ARHGAP29: variants seen among roughly 807,000 people sequenced by gnomAD.
ARHGAP29 encodes Rho GTPase activating protein 29.
A neutral mutation model predicts 122.6 loss-of-function variants in ARHGAP29; 43 were observed. The ratio of observed to expected loss-of-function variants is 0.35; its 90% CI spans 0.27 to 0.45. The LOEUF (loss-of-function observed/expected upper bound fraction) is 0.45, where lower values mean the gene tolerates loss of function less well. Ranked by LOEUF, ARHGAP29 falls within the 20% of genes least tolerant of loss-of-function variation. The pLI, the probability that ARHGAP29 is intolerant of heterozygous loss-of-function variation, is 1.00. For missense variants in ARHGAP29, 1,303 were observed against 1,477.2 expected, an observed-to-expected ratio of 0.88 and a Z score of 1.93; for synonymous variants, 506 against 497.1, an observed-to-expected ratio of 1.02 and a Z score of -0.24.
At chr1:94,226,453 C>T (rs138150617) in intron 2 of ARHGAP29, among the ~76,000 whole-genome samples, 5 of 152,010 alleles carry the variant, frequency 3.3e-5, no homozygotes, top group Non-Finnish European at 5.9e-5. Context: ...CCCAGGGCTA[C>T]AAACAACTAG....
intron 1 of ARHGAP29, among the ~76,000 whole-genome samples, chr1:94,232,655 G>T (rs1382756102): frequency 2.6e-5 from 4 of 152,094 alleles, no homozygotes; most frequent in Non-Finnish European, 5.9e-5. Flanking sequence ...AAAATTAGAA[G>T]ACTTCATATG....
chr1:94,235,799 C>G (rs1382933354), intron 1 of ARHGAP29, among the ~76,000 whole-genome samples: 14 of 152,184 alleles, frequency 9.2e-5, no homozygotes, highest in Admixed American at 9.2e-4. Context: ...TGTTGTAAAT[C>G]TAAGTGTTGT....
chr1:94,237,454 CCCA>C lies in ARHGAP29; in HGVS notation c.-75_-73del, dbSNP rs1353675892. On this transcript the variant is annotated 5_prime_UTR_variant, in exon 1 of 23. Transcript: ENST00000260526. ...TCGCGTGCCGGACGCGGACGCCCGC[CCCA>C]CACCTACGGCCGCCGCCACCGCCGA... The C allele has an allele frequency of 1.5e-5, 15 of 987,382 alleles. No individual in the cohort carries two copies. The highest frequency in any genetic ancestry group is 1.7e-5 in the Non-Finnish European group (14 of 831,132). 61.2% of individuals were successfully genotyped at this position (987,382 alleles called of 1,614,324 possible). A position where few individuals can be genotyped will look rare whatever the true frequency, so the allele number is the denominator to read the frequency against.
At chr1:94,178,238 A>T in intron 20 of ARHGAP29, 71 bp from the exon 21 acceptor site, 1 of 1,436,920 alleles carries the variant, frequency 7.0e-7, no homozygotes, top group African/African-American at 1.4e-5. Flanking sequence ...TTTACTATGG[A>T]ATAGAGAGGG....
the ARHGAP29 span, among the ~76,000 whole-genome samples, chr1:94,288,026 G>A: frequency 6.6e-6 from 1 of 152,162 alleles, no homozygotes; most frequent in Non-Finnish European, 1.5e-5. Flanking sequence ...CCAGTAATGG[G>A]ATTGCTGGGT....
intron 1 of ARHGAP29, among the ~76,000 whole-genome samples, chr1:94,267,398 A>G (rs773718670): frequency 6.6e-6 from 1 of 152,204 alleles, no homozygotes; most frequent in Non-Finnish European, 1.5e-5. Flanking sequence ...GGGATCAGGT[A>G]AAAGTGTAAT....
chr1:94,293,625 C>T, the ARHGAP29 span, among the ~76,000 whole-genome samples: 1 of 152,184 alleles, frequency 6.6e-6, no homozygotes, highest in Non-Finnish European at 1.5e-5. Flanking sequence ...AGTGACCCAC[C>T]TCTTTTCTTT....
At chr1:94,292,855 G>A in the ARHGAP29 span, among the ~76,000 whole-genome samples, 1 of 152,190 alleles carries the variant, frequency 6.6e-6, no homozygotes, top group Admixed American at 6.5e-5. Context: ...GCATCTGCCT[G>A]TATGAGGTGT....
chr1:94,201,174 G>C (rs940171910), intron 12 of ARHGAP29, among the ~76,000 whole-genome samples: 2 of 152,112 alleles, frequency 1.3e-5, no homozygotes, highest in African/African-American at 2.4e-5. Flanking sequence ...AGTTTCAAGG[G>C]TCAAATCAAT....
chr1:94,282,881 G>A, the ARHGAP29 span, among the ~76,000 whole-genome samples: 1 of 152,172 alleles, frequency 6.6e-6, no homozygotes, highest in African/African-American at 2.4e-5. Flanking sequence ...AAGGACTTTA[G>A]ATCTGAGTGA....
intron 1 of ARHGAP29, among the ~76,000 whole-genome samples, chr1:94,237,126 CTT>C (rs1557881480): frequency 6.6e-6 from 1 of 152,224 alleles, no homozygotes; most frequent in East Asian, 1.9e-4. Context: ...TGTGTGCTAA[CTT>C]TAATTACGAT....
At chr1:94,229,039 A>G (rs1361773378) in intron 2 of ARHGAP29, among the ~76,000 whole-genome samples, 2 of 151,836 alleles carry the variant, frequency 1.3e-5, no homozygotes, top group Non-Finnish European at 3.0e-5. Flanking sequence ...TCTTAAGGAG[A>G]CAATACACAA....
the ARHGAP29 span, among the ~76,000 whole-genome samples, chr1:94,280,931 C>A: frequency 6.6e-6 from 1 of 152,168 alleles, no homozygotes; most frequent in Non-Finnish European, 1.5e-5. Context: ...AGACTGACAT[C>A]CTCCCTTCCA....
chr1:94,243,089 C>A (rs1653661728), intron 1 of ARHGAP29, among the ~76,000 whole-genome samples: 1 of 151,956 alleles, frequency 6.6e-6, no homozygotes, highest in South Asian at 2.1e-4. Context: ...GACAAATCCC[C>A]AATGACAGTT....
intron 20 of ARHGAP29, among the ~76,000 whole-genome samples, chr1:94,179,149 C>A (rs554603634): frequency 6.6e-6 from 1 of 152,280 alleles, no homozygotes; most frequent in East Asian, 1.9e-4. Context: ...GTTTAGCCAG[C>A]CAGAGCCTGG....
At position 94,170,949 on chromosome 1, in the gene ARHGAP29, T is replaced by C. The variant is rs1420253261; in HGVS notation, c.*2920A>G. 4.6e-5 allele frequency among the ~76,000 whole-genome samples: 7 copies of C among 152,206 alleles called. No homozygotes were observed. Among genetic ancestry groups the C allele is most frequent in the Admixed American group, 3.9e-4 (6 of 15,278 alleles). On this transcript the variant is annotated 3_prime_UTR_variant, in exon 23 of 23. Coordinates refer to ENST00000260526, the MANE Select transcript of ARHGAP29 (RefSeq NM_004815.4). ...CTAGGAATACAACTGACTTACATAC[T>C]GATTGTGAATGTAGCAAATTTGCTA...
At chr1:94,200,942 C>T (rs1650801930) in intron 12 of ARHGAP29, among the ~76,000 whole-genome samples, 3 of 152,130 alleles carry the variant, frequency 2.0e-5, no homozygotes, top group Admixed American at 2.0e-4. Context: ...TAGCATTGTT[C>T]TGAATCCTGA....
intron 17 of ARHGAP29, 125 bp downstream of exon 17, chr1:94,185,214 TAGA>T (rs1309224649): frequency 6.6e-6 from 8 of 1,214,498 alleles, no homozygotes; most frequent in Non-Finnish European, 6.7e-6. Flanking sequence ...TATAAAATTA[TAGA>T]AGGTGTACTG....
chr1:94,310,329 C>T, the ARHGAP29 span, among the ~76,000 whole-genome samples: 9 of 152,330 alleles, frequency 5.9e-5, no homozygotes, highest in South Asian at 4.1e-4. Flanking sequence ...AGGGCTTCTA[C>T]GGCCCGGGAA....
Sources: allele counts gnomAD v4.1 joint callset (sites outside exome capture counted in the v4.1 genomes callset), GRCh38; gene constraint gnomAD v4.1.1; transcripts MANE v1.5; gene names NCBI Gene and HGNC (gene_info 2026-07-23, HGNC 2026-07-21).